Variants in SCN10A observed in about 807,000 individuals in gnomAD.
SCN10A encodes the protein sodium channel protein type 10 subunit alpha.
Under a neutral mutation model 170.7 loss-of-function variants are expected in SCN10A, and 162 were observed. That is an observed-to-expected ratio of 0.95 (90% CI 0.84 to 1.08). The LOEUF is 1.08. SCN10A is among the 50% of genes least tolerant of loss of function. The pLI, the probability that SCN10A is intolerant of heterozygous loss-of-function variation, is 0.00. For missense variants in SCN10A, 2,527 were observed against 2,436.9 expected (o/e 1.04, Z -0.78); for synonymous variants, 985 against 904.6 (o/e 1.09, Z -1.59).
At position 38,756,761 on chromosome 3, in the gene SCN10A, C is replaced by G; in HGVS notation, c.1203G>C (p.Glu401Asp). ...LILAVVTMAY[E>D]EQNQATTDEI... The stretch of plus-strand genomic sequence containing the variant: ...CATCAGTGGTTGCCTGGTTCTGCTC[C>G]TCATACGCCATGGTGACTACAGCCA... The change falls in exon 10 of 28, where the codon GAG (glutamate) becomes GAC (aspartate). Residue 401 changes from glutamate (E) to aspartate (D), a missense_variant. By Grantham distance (45) the Glu-to-Asp change is conservative (BLOSUM62 2). Coordinates refer to ENST00000449082, the MANE Select transcript of SCN10A (RefSeq NM_006514.4). The G allele has an allele frequency of 1.2e-6, 2 of 1,614,176 alleles. No individual in the cohort carries two copies. Among genetic ancestry groups the G allele is most frequent in the South Asian group, 2.2e-5 (2 of 91,082 alleles).
chr3:38,750,471 A>G (rs971603836), intron 12 of SCN10A, among the ~76,000 whole-genome samples: 1 of 152,240 alleles, frequency 6.6e-6, no homozygotes, highest in Non-Finnish European at 1.5e-5. Context: ...TGAATACTGT[A>G]AGTATAAACA....
intron 23 of SCN10A, among the ~76,000 whole-genome samples, 163 bp downstream of exon 23, chr3:38,711,998 C>T (rs960313455): frequency 1.3e-5 from 2 of 152,160 alleles, no homozygotes; most frequent in African/African-American, 4.8e-5. Context: ...CTAGGAAGGC[C>T]CTCTAGCCTC....
At chr3:38,749,393 C>T (rs2063724996) in intron 13 of SCN10A, among the ~76,000 whole-genome samples, 1 of 152,184 alleles carries the variant, frequency 6.6e-6, no homozygotes, top group South Asian at 2.1e-4. Flanking sequence ...TTAGAACAGA[C>T]CTCCTGCTCA....
intron 20 of SCN10A, among the ~76,000 whole-genome samples, chr3:38,719,333 C>G (rs1402423529): frequency 7.0e-6 from 1 of 143,110 alleles, no homozygotes; most frequent in African/African-American, 2.5e-5. Flanking sequence ...ATAGGGGAAA[C>G]CCTAGGATGC....
intron 19 of SCN10A, 47 bp from the exon 20 acceptor site, chr3:38,722,459 G>C (rs1243385039): frequency 6.3e-7 from 1 of 1,587,994 alleles, no homozygotes; most frequent in Admixed American, 1.8e-5. Context: ...GTGGGCAAAG[G>C]GGATAATTTC....
intron 3 of SCN10A, among the ~76,000 whole-genome samples, chr3:38,790,612 CCAAG>C (rs1357746595): frequency 6.6e-6 from 1 of 151,462 alleles, no homozygotes; most frequent in Non-Finnish European, 1.5e-5. Context: ...CAACAACTAC[CCAAG>C]CAGAGACGAC....
intron 13 of SCN10A, among the ~76,000 whole-genome samples, chr3:38,748,681 G>A (rs2063717497): frequency 6.6e-6 from 1 of 151,972 alleles, no homozygotes; most frequent in African/African-American, 2.4e-5. Context: ...AGCCTTCACT[G>A]GGGGCTAAGT....
intron 4 of SCN10A, among the ~76,000 whole-genome samples, chr3:38,787,443 T>C (rs1287581741): frequency 6.6e-6 from 1 of 152,280 alleles, no homozygotes; most frequent in Admixed American, 6.5e-5. Flanking sequence ...ATGTATACAA[T>C]CTTATTATCT....
chr3:38,755,380 C>G (rs547290831), intron 11 of SCN10A, among the ~76,000 whole-genome samples: 11 of 152,072 alleles, frequency 7.2e-5, no homozygotes. Flanking sequence ...AGGAAGCTGA[C>G]CTTTGATGTC....
chr3:38,715,769 C>T (rs2063328574), intron 21 of SCN10A, among the ~76,000 whole-genome samples: 1 of 152,206 alleles, frequency 6.6e-6, no homozygotes, highest in Non-Finnish European at 1.5e-5. Flanking sequence ...AACACATTCA[C>T]CCTTATAATA....
intron 4 of SCN10A, among the ~76,000 whole-genome samples, chr3:38,783,422 G>T (rs2064162243): frequency 6.6e-6 from 1 of 151,848 alleles, no homozygotes; most frequent in Admixed American, 6.6e-5. Context: ...GTTTAGTTTT[G>T]CTTGATTTCA....
intron 4 of SCN10A, among the ~76,000 whole-genome samples, chr3:38,787,261 A>G (rs939265318): frequency 5.3e-5 from 8 of 152,132 alleles, no homozygotes; most frequent in African/African-American, 1.7e-4. Context: ...TCTTATTCCT[A>G]GATACTTGAC....
Position 38,722,245 on chromosome 3 carries a change from T to C in SCN10A, c.3507+13A>G. 2 of 1,611,872 alleles carry C rather than the reference T, an allele frequency of 1.2e-6. No homozygotes were observed. The highest frequency in any genetic ancestry group is 8.5e-7 in the Non-Finnish European group (1 of 1,178,672). On this transcript the variant is annotated intron_variant, in intron 20 of 27. Coordinates refer to ENST00000449082, the MANE Select transcript of SCN10A (RefSeq NM_006514.4). ...CTGGAGGATTTGGGGGCAGGGACTATGCCTCCCCTTACCAGAGATCCACTG... is the reference window on the plus strand; with the variant it reads ...CTGGAGGATTTGGGGGCAGGGACTACGCCTCCCCTTACCAGAGATCCACTG...
chr3:38,757,219 G>A, intron 8 of SCN10A, 60 bp from the exon 9 acceptor site: 2 of 1,499,622 alleles, frequency 1.3e-6, no homozygotes, highest in African/African-American at 1.4e-5. Flanking sequence ...GCCCAGGGCT[G>A]CGAGACAACC....
chr3:38,698,619 A>T (rs1323977511), intron 27 of SCN10A, 57 bp from the exon 28 acceptor site: 1 of 1,538,958 alleles, frequency 6.5e-7, no homozygotes, highest in African/African-American at 1.4e-5. Context: ...GACGTGACAA[A>T]GTTGGCTGTG....
intron 8 of SCN10A, among the ~76,000 whole-genome samples, chr3:38,758,286 C>T (rs1171760858): frequency 6.6e-6 from 1 of 152,134 alleles, no homozygotes; most frequent in African/African-American, 2.4e-5. Flanking sequence ...TTTGCTCTTC[C>T]AAGGGGCTAG....
chr3:38,798,806 T>TTTTTTTTC (rs1329380091), intron 1 of SCN10A, among the ~76,000 whole-genome samples: 5 of 149,246 alleles, frequency 3.4e-5, no homozygotes, highest in Non-Finnish European at 7.4e-5. Flanking sequence ...TTTTTTTTTT[T>TTTTTTTTC]TGAGACAAGT....
chr3:38,733,872 C>T (rs1255048708), intron 15 of SCN10A, among the ~76,000 whole-genome samples: 4 of 151,992 alleles, frequency 2.6e-5, no homozygotes, highest in Non-Finnish European at 2.9e-5. Flanking sequence ...AAGTATGCAC[C>T]ATCACACCTG....
chr3:38,755,752 TG>T, intron 11 of SCN10A, 35 bp downstream of exon 11: 1 of 1,609,664 alleles, frequency 6.2e-7, no homozygotes, highest in Non-Finnish European at 8.5e-7. Context: ...GCTGCAATGG[TG>T]GGTAATCTTT....
Sources: gnomAD v4.1 joint callset for allele counts (sites outside exome capture counted in the v4.1 genomes callset) on GRCh38, gnomAD v4.1.1 for gene constraint, MANE v1.5 for transcripts, NCBI Gene and HGNC (gene_info 2026-07-23, HGNC 2026-07-21) for gene names.